SFXN1: variants seen among roughly 807,000 people sequenced by gnomAD.
SFXN1 encodes sideroflexin 1, also known as sideroflexin-1.
In SFXN1, 32 loss-of-function variants were observed where a neutral mutation model predicts 39.5. That is an observed-to-expected ratio of 0.81 (90% CI 0.61 to 1.09). SFXN1 has a LOEUF of 1.09. Among genes scored for constraint, SFXN1 ranks in the 50% least tolerant of loss-of-function variants. The pLI, the probability that SFXN1 is intolerant of heterozygous loss-of-function variation, is 0.00. For synonymous variants in SFXN1, 136 were observed against 146.5 expected, an observed-to-expected ratio of 0.93 and a Z score of 0.52; for missense variants, 402 against 407.1, an observed-to-expected ratio of 0.99 and a Z score of 0.11.
At chr5:175,516,232 G>A (rs1760713235) in intron 7 of SFXN1, among the ~76,000 whole-genome samples, 1 of 151,960 alleles carries the variant, frequency 6.6e-6, no homozygotes, top group African/African-American at 2.4e-5. Flanking sequence ...TACGGAAGCA[G>A]TTTCTGCCTG....
At chr5:175,512,430 G>A (rs1760554611) in intron 6 of SFXN1, among the ~76,000 whole-genome samples, 1 of 152,138 alleles carries the variant, frequency 6.6e-6, no homozygotes, top group South Asian at 2.1e-4. Context: ...GTGCGGGGAG[G>A]GGGCTGATGC....
chr5:175,506,061 G>A (rs1400599034), intron 2 of SFXN1, among the ~76,000 whole-genome samples: 9 of 152,114 alleles, frequency 5.9e-5, no homozygotes, highest in South Asian at 2.1e-4. Flanking sequence ...CAGGTGATCT[G>A]CCCGTCTCGG....
chr5:175,516,515 C>A, intron 7 of SFXN1, 99 bp from the exon 8 acceptor site: 2 of 1,052,430 alleles, frequency 1.9e-6, no homozygotes, highest in Admixed American at 2.2e-5. Context: ...TGGAAATAGC[C>A]TAAAAGTGAC....
At chr5:175,481,377 A>G (rs1759244068) in intron 1 of SFXN1, among the ~76,000 whole-genome samples, 2 of 152,306 alleles carry the variant, frequency 1.3e-5, no homozygotes, top group South Asian at 4.1e-4. Flanking sequence ...GCTGGAGTGC[A>G]GTGGCACGAT....
intron 2 of SFXN1, among the ~76,000 whole-genome samples, chr5:175,498,059 A>AAAAT (rs71581647): frequency 0.27 from 41,736 of 151,796 alleles, 5,982 homozygotes; most frequent in South Asian, 0.44. Flanking sequence ...ATCAAAACAA[A>AAAAT]AAAATCACAA....
chr5:175,518,817 C>T (rs890591246), intron 8 of SFXN1, among the ~76,000 whole-genome samples: 2 of 152,112 alleles, frequency 1.3e-5, no homozygotes, highest in Non-Finnish European at 2.9e-5. Context: ...GAAGAAAATA[C>T]AATAGAACAC....
chr5:175,511,338 C>G (rs1760504988), intron 4 of SFXN1, 113 bp from the exon 5 acceptor site: 3 of 825,034 alleles, frequency 3.6e-6, no homozygotes, highest in African/African-American at 3.4e-5. Context: ...TTTGTAGACT[C>G]TTCATTCTGA....
chr5:175,485,144 G>T (rs1197812276), intron 1 of SFXN1, among the ~76,000 whole-genome samples: 1 of 152,104 alleles, frequency 6.6e-6, no homozygotes, highest in Middle Eastern at 3.2e-3. Flanking sequence ...TTTAATTCTG[G>T]GTGCAGAGGA....
chr5:175,511,115 C>CCTG (rs956093701), intron 4 of SFXN1, among the ~76,000 whole-genome samples: 40 of 152,214 alleles, frequency 2.6e-4, no homozygotes, highest in African/African-American at 9.4e-4. Context: ...TATGCATTCC[C>CCTG]CTGTATTCAT....
intron 10 of SFXN1, chr5:175,524,162 A>C (rs1327910281): frequency 8.3e-6 from 1 of 119,794 alleles, no homozygotes; most frequent in Non-Finnish European, 1.7e-5. Flanking sequence ...ATATATATAT[A>C]TATATATATC....
intron 1 of SFXN1, among the ~76,000 whole-genome samples, chr5:175,481,325 G>A (rs1024172322): frequency 3.3e-5 from 5 of 152,058 alleles, no homozygotes; most frequent in African/African-American, 9.7e-5. Context: ...TTTTGTTGTT[G>A]TTTGTTTGGT....
intron 7 of SFXN1, among the ~76,000 whole-genome samples, chr5:175,516,014 T>C (rs1275897006): frequency 2.0e-5 from 3 of 152,000 alleles, no homozygotes; most frequent in Non-Finnish European, 4.4e-5. Flanking sequence ...TCAATGGAGT[T>C]CAGGCTCCTG....
chr5:175,508,826 C>T (rs112182761), intron 2 of SFXN1, among the ~76,000 whole-genome samples: 14,297 of 151,456 alleles, frequency 0.094, 673 homozygotes, highest in Admixed American at 0.12. Flanking sequence ...TTAGTAGAGA[C>T]GGGTTTCACC....
intron 10 of SFXN1, among the ~76,000 whole-genome samples, chr5:175,526,327 G>C (rs1761059257): frequency 6.6e-6 from 1 of 152,004 alleles, no homozygotes; most frequent in Non-Finnish European, 1.5e-5. Flanking sequence ...GCCACAAATG[G>C]TTTTTCCAAC....
chr5:175,516,118 T>C (rs1760709899), intron 7 of SFXN1, among the ~76,000 whole-genome samples: 2 of 151,556 alleles, frequency 1.3e-5, no homozygotes, highest in Non-Finnish European at 2.9e-5. Context: ...TAAAGCTTCA[T>C]TCACTTGCCC....
chr5:175,508,965 C>G, intron 2 of SFXN1, 67 bp from the exon 3 acceptor site: 3 of 1,469,694 alleles, frequency 2.0e-6, no homozygotes, highest in Non-Finnish European at 2.8e-6. Flanking sequence ...CTTGTAGCCA[C>G]TTGTCTCTAG....
Position 175,513,561 on chromosome 5 carries a change from C to T in SFXN1, c.695C>T (p.Ser232Phe). The T allele has an allele frequency of 6.2e-7, 1 of 1,613,830 alleles. No individual in the cohort carries two copies. Among genetic ancestry groups the T allele is most frequent in the Non-Finnish European group, 8.5e-7 (1 of 1,179,906 alleles). ...AKQAITQVVVSRILMAAPGMA... is the reference protein window; with the variant it reads ...AKQAITQVVVFRILMAAPGMA... ...CAAGCCATCACGCAAGTTGTCGTGT[C>T]CAGGATTCTCATGGCAGCCCCTGGC... The change falls in exon 7 of 11, where the codon TCC becomes TTC. Residue 232 changes from serine (S) to phenylalanine (F), a missense_variant. Coordinates refer to ENST00000321442, the MANE Select transcript of SFXN1 (RefSeq NM_022754.7).
chr5:175,479,948 G>A (rs1357669904), intron 1 of SFXN1, among the ~76,000 whole-genome samples: 1 of 152,158 alleles, frequency 6.6e-6, no homozygotes, highest in Non-Finnish European at 1.5e-5. Flanking sequence ...GGAGGATGCA[G>A]GTAAATGAGG....
chr5:175,517,528 C>G (rs535310915), intron 8 of SFXN1, among the ~76,000 whole-genome samples: 1 of 152,144 alleles, frequency 6.6e-6, no homozygotes, highest in East Asian at 1.9e-4. Context: ...TCCTTCAGAC[C>G]TCAATGAGAG....
Sources: gnomAD v4.1 joint callset for allele counts (sites outside exome capture counted in the v4.1 genomes callset) on GRCh38, gnomAD v4.1.1 for gene constraint, MANE v1.5 for transcripts, NCBI Gene and HGNC (gene_info 2026-07-23, HGNC 2026-07-21) for gene names.